Variants in ARHGAP22 observed in about 807,000 individuals in gnomAD.
The protein encoded by ARHGAP22 is rho GTPase-activating protein 22.
In ARHGAP22, 48 loss-of-function variants were observed where a neutral mutation model predicts 59.1. That is an observed-to-expected ratio of 0.81 (90% CI 0.64 to 1.03). The LOEUF (loss-of-function observed/expected upper bound fraction) is 1.03. Ranked by LOEUF, ARHGAP22 falls within the 50% of genes least tolerant of loss-of-function variation. ARHGAP22 has a pLI of 0.00. For missense variants in ARHGAP22, 1,015 were observed against 958.7 expected (o/e 1.06, Z -0.78); for synonymous variants, 445 against 416.4 (o/e 1.07, Z -0.84).
At chr10:48,598,190 C>G (rs986363045) in intron 1 of ARHGAP22, among the ~76,000 whole-genome samples, 3 of 152,326 alleles carry the variant, frequency 2.0e-5, no homozygotes, top group African/African-American at 7.2e-5. Flanking sequence ...ACTCTGTTTT[C>G]CCATCAGTTG....
At chr10:48,646,541 G>C (rs2062305540) in intron 1 of ARHGAP22, among the ~76,000 whole-genome samples, 1 of 152,180 alleles carries the variant, frequency 6.6e-6, no homozygotes, top group South Asian at 2.1e-4. Context: ...TTTGTGGCTA[G>C]CTGATAGTTC....
At chr10:48,631,455 T>C (rs1281175132) in intron 1 of ARHGAP22, among the ~76,000 whole-genome samples, 1 of 152,218 alleles carries the variant, frequency 6.6e-6, no homozygotes, top group East Asian at 1.9e-4. Context: ...TGTTGGAAAA[T>C]TGTCATTTAT....
intron 1 of ARHGAP22, among the ~76,000 whole-genome samples, chr10:48,647,483 C>T (rs2062356479): frequency 6.6e-6 from 1 of 152,148 alleles, no homozygotes; most frequent in African/African-American, 2.4e-5. Context: ...TAAGCAAATG[C>T]AAATCAAATC....
At chr10:48,529,983 T>A (rs57632129) in intron 3 of ARHGAP22, among the ~76,000 whole-genome samples, 27,086 of 152,158 alleles carry the variant, frequency 0.18, 2,633 homozygotes, top group East Asian at 0.33. Context: ...ACGCCTGTAA[T>A]CCCAGCACTT....
At chr10:48,494,326 A>C (rs981749434) in intron 3 of ARHGAP22, among the ~76,000 whole-genome samples, 11 of 152,132 alleles carry the variant, frequency 7.2e-5, no homozygotes, top group Admixed American at 1.3e-4. Flanking sequence ...CTCTGGGACA[A>C]AGGGAGCAGG....
chr10:48,544,185 G>A (rs1314544152), intron 3 of ARHGAP22, among the ~76,000 whole-genome samples: 7 of 152,146 alleles, frequency 4.6e-5, no homozygotes, highest in African/African-American at 1.7e-4. Context: ...TCTGCATATC[G>A]TACTTCACAT....
intron 3 of ARHGAP22, among the ~76,000 whole-genome samples, chr10:48,498,113 C>T (rs1384953793): frequency 6.6e-6 from 1 of 152,146 alleles, no homozygotes; most frequent in Admixed American, 6.5e-5. Flanking sequence ...GTAACATCTA[C>T]CTTGGCCTGT....
At position 48,454,090 on chromosome 10, in the gene ARHGAP22, G is replaced by C; in HGVS notation, c.864C>G (p.Cys288Trp). Residue 288 changes from cysteine (C) to tryptophan (W), a missense_variant and splice_region_variant, in exon 7 of 10, where the codon TGC (cysteine) becomes TGG (tryptophan). Transcript: ENST00000249601. ...QANYNLLRYI[C>W]KFLDEVQAYS... is the part of the protein sequence containing the mutation. ...TTCCCTCCTGCCAAGCCGCTTACTT[G>C]CAGATGTATCTGAGCAGGTTGTAAT... 2 of 1,613,958 alleles carry C rather than the reference G, an allele frequency of 1.2e-6. No individual in the cohort carries two copies. The highest frequency in any genetic ancestry group is 1.7e-6 in the Non-Finnish European group (2 of 1,179,868).
At chr10:48,538,352 A>G (rs1480858214) in intron 3 of ARHGAP22, among the ~76,000 whole-genome samples, 1 of 152,184 alleles carries the variant, frequency 6.6e-6, no homozygotes, top group Non-Finnish European at 1.5e-5. Context: ...ACCTCCTCTT[A>G]GCTCATTGCA....
At chr10:48,478,098 C>T (rs1430868355) in intron 4 of ARHGAP22, among the ~76,000 whole-genome samples, 1 of 152,182 alleles carries the variant, frequency 6.6e-6, no homozygotes, top group Non-Finnish European at 1.5e-5. Flanking sequence ...ACCTGTCATA[C>T]ATCAAAGTCC....
rs142356069 is a variant in ARHGAP22, at chr10:48,482,294, T to G, written c.323-2530A>C. 8.8e-4 allele frequency among the ~76,000 whole-genome samples: 134 copies of G among 152,366 alleles called. 1 individual carries two copies. The highest frequency in any genetic ancestry group is 3.2e-3 in the African/African-American group (132 of 41,592). The stretch of plus-strand genomic sequence containing the variant: ...TTTTGTATATGGGAGAAGGTGTAAT[T>G]GAAGTTCATTCTTTTGCATATGCAC... On this transcript the variant is annotated intron_variant, in intron 3 of 9. Transcript: ENST00000249601.
chr10:48,517,624 C>A (rs933157441), intron 3 of ARHGAP22, among the ~76,000 whole-genome samples: 39 of 152,142 alleles, frequency 2.6e-4, no homozygotes, highest in African/African-American at 9.2e-4. Flanking sequence ...CTCTCTGGAG[C>A]CATGAGAGCC....
chr10:48,446,386 T>C lies in ARHGAP22; in HGVS notation c.*5A>G. ...GTGGTACAGAAGTGAGCTCTGCCATTCCTTTTACTTTGGGGCCCTGGCACC... is the reference window on the plus strand; with the variant it reads ...GTGGTACAGAAGTGAGCTCTGCCATCCCTTTTACTTTGGGGCCCTGGCACC... On this transcript the variant is annotated 3_prime_UTR_variant, in exon 10 of 10. Coordinates refer to ENST00000249601, the MANE Select transcript of ARHGAP22 (RefSeq NM_021226.4). 5.0e-6 allele frequency: 8 copies of C among 1,613,976 alleles called. No homozygotes were observed. Among genetic ancestry groups the C allele is most frequent in the Non-Finnish European group, 6.8e-6 (8 of 1,179,892 alleles).
At chr10:48,597,168 A>T (rs1438112794) in intron 1 of ARHGAP22, among the ~76,000 whole-genome samples, 1 of 151,972 alleles carries the variant, frequency 6.6e-6, no homozygotes, top group African/African-American at 2.4e-5. Flanking sequence ...CTTCATAAAC[A>T]TGTGTCTCAT....
chr10:48,523,261 G>C (rs1476181656), intron 3 of ARHGAP22, among the ~76,000 whole-genome samples: 1 of 152,226 alleles, frequency 6.6e-6, no homozygotes, highest in Non-Finnish European at 1.5e-5. Context: ...GCAGGCCAGG[G>C]TGGGGCCTGG....
chr10:48,455,050 G>A lies in ARHGAP22; in HGVS notation c.744C>T (p.Tyr248=), dbSNP rs751767741. ...LPEPVVPFAR[Y]EDFLSCAQLL... ...GCTGGGCGCAGCTGAGGAAGTCCTCGTACCTGGCGAAGGGGACCACGGGCT... is the reference window on the plus strand; with the variant it reads ...GCTGGGCGCAGCTGAGGAAGTCCTCATACCTGGCGAAGGGGACCACGGGCT... Residue 248 remains tyrosine (Y), a synonymous_variant, in exon 6 of 10, where the codon TAC becomes TAT. Coordinates refer to ENST00000249601, the MANE Select transcript of ARHGAP22 (RefSeq NM_021226.4). 97 of 1,611,970 alleles carry A rather than the reference G, an allele frequency of 6.0e-5. No homozygotes were observed. The highest frequency in any genetic ancestry group is 8.0e-5 in the African/African-American group (6 of 74,916).
At chr10:48,502,954 GA>G (rs1432621551) in intron 3 of ARHGAP22, among the ~76,000 whole-genome samples, 2 of 152,200 alleles carry the variant, frequency 1.3e-5, no homozygotes, top group African/African-American at 4.8e-5. Flanking sequence ...TGGGGTCAGG[GA>G]TAAAGGCATA....
chr10:48,453,559 GCCTCT>G, intron 7 of ARHGAP22, 134 bp from the exon 8 acceptor site: 5 of 1,336,592 alleles, frequency 3.7e-6, no homozygotes, highest in Non-Finnish European at 5.2e-6. Flanking sequence ...GGTGTAGCCT[GCCTCT>G]GCCAGGCTCG....
At chr10:48,611,603 A>T (rs563630053) in intron 1 of ARHGAP22, among the ~76,000 whole-genome samples, 106 of 152,234 alleles carry the variant, frequency 7.0e-4, no homozygotes, top group Non-Finnish European at 1.2e-3. Context: ...TCAGCTTTGC[A>T]CTATTGAAAA....
Sources: allele counts gnomAD v4.1 joint callset (sites outside exome capture counted in the v4.1 genomes callset), GRCh38; gene constraint gnomAD v4.1.1; transcripts MANE v1.5; gene names NCBI Gene and HGNC (gene_info 2026-07-23, HGNC 2026-07-21).